GRID2: variants seen among roughly 807,000 people sequenced by gnomAD.
GRID2 encodes glutamate ionotropic receptor delta type subunit 2.
A neutral mutation model predicts 114.8 loss-of-function variants in GRID2; 33 were observed. The ratio of observed to expected loss-of-function variants is 0.29; its 90% confidence interval spans 0.22 to 0.38. The LOEUF is 0.38. Among genes scored for constraint, GRID2 ranks in the 10% least tolerant of loss-of-function variants. GRID2 has a pLI of 1.00. For missense variants in GRID2, 1,184 were observed against 1,257.7 expected (o/e 0.94, Z 0.89); for synonymous variants, 505 against 449.9 (o/e 1.12, Z -1.55).
intron 14 of GRID2, among the ~76,000 whole-genome samples, chr4:93,679,954 C>CA (rs1289829561): frequency 2.7e-5 from 4 of 150,470 alleles, no homozygotes; most frequent in South Asian, 2.1e-4. Context: ...AAATAGAGAC[C>CA]AAAAAAACCT....
In GRID2 at chr4:92,652,600, T is replaced by C. The variant is rs558897005; in HGVS notation, c.244+62314T>C. Among the ~76,000 whole-genome samples the C allele has an allele frequency of 1.9e-4, 28 of 149,790 alleles. 3 individuals are homozygous for C. In the East Asian group the frequency reaches 5.6e-3, roughly 30 times the overall value. ...AGGAGGCTGAAGCAAGAGGATTGCT[T>C]GAGCCTGGAAAGTTGAGGCTGCAGT... On this transcript the variant is annotated intron_variant, in intron 2 of 15. Coordinates refer to ENST00000282020, the MANE Select transcript of GRID2 (RefSeq NM_001510.4).
intron 2 of GRID2, among the ~76,000 whole-genome samples, chr4:92,968,929 A>T (rs1312664092): frequency 2.6e-5 from 4 of 151,802 alleles, no homozygotes; most frequent in Non-Finnish European, 5.9e-5. Context: ...AAAGAAAACC[A>T]TTGTTGTTTA....
chr4:93,074,045 G>A (rs867813045), intron 2 of GRID2, among the ~76,000 whole-genome samples: 3 of 152,194 alleles, frequency 2.0e-5, no homozygotes, highest in Admixed American at 6.5e-5. Flanking sequence ...ACTAAAACCT[G>A]AGGGAGAAAA....
downstream of GRID2, among the ~76,000 whole-genome samples, chr4:93,775,962 T>A (rs112931422): frequency 8.6e-4 from 131 of 152,300 alleles, no homozygotes; most frequent in African/African-American, 3.1e-3. Context: ...GATGGGAAGA[T>A]CCATTTACCC....
intron 2 of GRID2, among the ~76,000 whole-genome samples, chr4:92,908,348 CATT>C (rs904651257): frequency 1.2e-4 from 19 of 152,012 alleles, no homozygotes; most frequent in Admixed American, 1.0e-3. Context: ...TTATGAGTAA[CATT>C]ATGGTAACTG....
intron 2 of GRID2, among the ~76,000 whole-genome samples, chr4:92,849,599 C>T (rs763696656): frequency 2.0e-5 from 3 of 151,886 alleles, no homozygotes; most frequent in Non-Finnish European, 2.9e-5. Context: ...ACATTCTCAT[C>T]TGCTTACCCC....
At chr4:92,955,553 C>G (rs1358860359) in intron 2 of GRID2, among the ~76,000 whole-genome samples, 1 of 151,846 alleles carries the variant, frequency 6.6e-6, no homozygotes, top group African/African-American at 2.4e-5. Flanking sequence ...AAATTTTCTC[C>G]CATTTTGTAG....
chr4:92,378,206 A>G (rs1729446033), intron 1 of GRID2, among the ~76,000 whole-genome samples: 3 of 152,102 alleles, frequency 2.0e-5, no homozygotes, highest in South Asian at 2.1e-4. Flanking sequence ...ATTTTAAGTC[A>G]TCACCCCCAG....
chr4:93,028,407 G>A (rs533591405), intron 2 of GRID2, among the ~76,000 whole-genome samples: 3 of 151,890 alleles, frequency 2.0e-5, no homozygotes, highest in Admixed American at 6.6e-5. Context: ...CGCTGCTTGG[G>A]AGAGAGAGAG....
At chr4:93,214,446 A>G (rs772965839) in intron 5 of GRID2, among the ~76,000 whole-genome samples, 12 of 152,164 alleles carry the variant, frequency 7.9e-5, no homozygotes, top group Non-Finnish European at 1.8e-4. Context: ...AAAGTTCCGT[A>G]AATATAAAAT....
intron 8 of GRID2, among the ~76,000 whole-genome samples, chr4:93,248,624 A>G (rs1004184984): frequency 1.3e-5 from 2 of 152,162 alleles, no homozygotes; most frequent in Non-Finnish European, 2.9e-5. Flanking sequence ...CAAGGGGATT[A>G]CACATTCTCT....
At chr4:92,403,055 T>G (rs1316670645) in intron 1 of GRID2, among the ~76,000 whole-genome samples, 2 of 152,190 alleles carry the variant, frequency 1.3e-5, no homozygotes, top group African/African-American at 4.8e-5. Context: ...TCTTAATGCT[T>G]ATGAACCAGC....
intron 12 of GRID2, among the ~76,000 whole-genome samples, chr4:93,491,315 T>G (rs1726983159): frequency 6.6e-6 from 1 of 151,916 alleles, no homozygotes; most frequent in Admixed American, 6.6e-5. Flanking sequence ...ATACTTCATG[T>G]GGTCCTTATT....
chr4:93,313,014 T>C (rs574389466), intron 8 of GRID2, among the ~76,000 whole-genome samples: 93 of 152,318 alleles, frequency 6.1e-4, no homozygotes, highest in Middle Eastern at 3.4e-3. Context: ...CAGCAGGATA[T>C]GAACTTATGC....
At chr4:92,531,420 C>T (rs1008442255) in intron 1 of GRID2, among the ~76,000 whole-genome samples, 2 of 151,756 alleles carry the variant, frequency 1.3e-5, no homozygotes, top group Non-Finnish European at 2.9e-5. Context: ...ATGAAACCAA[C>T]AAACAAAACA....
rs557978268 is a variant in GRID2 at position 93,051,125 on chromosome 4, A to C, written c.245-33870A>C. Among the ~76,000 whole-genome samples the C allele has an allele frequency of 2.6e-5, 4 of 152,138 alleles. No individual in the cohort carries two copies. In the South Asian group the frequency reaches 8.3e-4, roughly 32 times the overall value. On this transcript the variant is annotated intron_variant, in intron 2 of 15. Transcript: ENST00000282020. Reference sequence around the variant, plus strand: ...TGAGGATCTTAATTTGGCATGTGTAATGACCATTGCTAGTAATAGTATGAT... The same window carrying C: ...TGAGGATCTTAATTTGGCATGTGTACTGACCATTGCTAGTAATAGTATGAT...
chr4:92,463,621 T>C (rs1721601614), intron 1 of GRID2, among the ~76,000 whole-genome samples: 1 of 151,994 alleles, frequency 6.6e-6, no homozygotes, highest in Non-Finnish European at 1.5e-5. Context: ...TTGTCAACAG[T>C]GATTTACAAA....
chr4:92,316,440 C>A (rs968088564), intron 1 of GRID2, among the ~76,000 whole-genome samples: 31 of 152,194 alleles, frequency 2.0e-4, no homozygotes, highest in African/African-American at 7.2e-4. Context: ...TAATTTCAAG[C>A]TGAGAAATTA....
intron 2 of GRID2, among the ~76,000 whole-genome samples, chr4:92,801,486 T>C (rs1345531246): frequency 6.6e-6 from 1 of 152,002 alleles, no homozygotes; most frequent in African/African-American, 2.4e-5. Context: ...AGTGTACCTT[T>C]TCTTGCTTTA....
Sources: gnomAD v4.1 joint callset for allele counts (sites outside exome capture counted in the v4.1 genomes callset) on GRCh38, gnomAD v4.1.1 for gene constraint, MANE v1.5 for transcripts, NCBI Gene and HGNC (gene_info 2026-07-23, HGNC 2026-07-21) for gene names.